Variants in SDK1 observed in about 807,000 individuals in gnomAD.
SDK1 encodes protein sidekick-1.
In SDK1, 157 loss-of-function variants were observed where a neutral mutation model predicts 245.5. The ratio of observed to expected loss-of-function variants is 0.64; its 90% CI spans 0.56 to 0.73. The LOEUF is 0.73. SDK1 is among the 30% of genes least tolerant of loss of function. The pLI is 0.00. For missense variants in SDK1, 3,583 were observed against 3,002.3 expected (o/e 1.19, Z -4.52); for synonymous variants, 1,647 against 1,278.5 (o/e 1.29, Z -6.15).
At chr7:3,475,902 T>C (rs1781335317) in intron 1 of SDK1, 1 of 152,642 alleles carries the variant, frequency 6.6e-6, no homozygotes, top group South Asian at 2.1e-4. Flanking sequence ...GCCCAAACCA[T>C]TAATTAAACA....
intron 19 of SDK1, among the ~76,000 whole-genome samples, chr7:4,052,711 G>C (rs1778947047): frequency 6.6e-6 from 1 of 152,126 alleles, no homozygotes. Flanking sequence ...ATCATTATGA[G>C]TAGTTTTGGC....
rs544491643 is a variant in SDK1, at chr7:3,817,040, T to C, written c.714-4410T>C. 1.3e-4 allele frequency among the ~76,000 whole-genome samples: 20 copies of C among 152,338 alleles called. No homozygotes were observed. The South Asian group carries it at 3.9e-3, about 30-fold the overall frequency. The stretch of plus-strand genomic sequence containing the variant: ...GGCAAAGTTATTATTTTACTAAACA[T>C]TTTACTGAATTTTCATCATAATGTA... On this transcript the variant is annotated intron_variant, in intron 4 of 44. Coordinates refer to ENST00000404826, the MANE Select transcript of SDK1 (RefSeq NM_152744.4).
At position 4,265,457 on chromosome 7, in the gene SDK1, C is replaced by T. The variant is rs566511295; in HGVS notation, c.*73C>T. On this transcript the variant is annotated 3_prime_UTR_variant, in exon 45 of 45. Coordinates refer to ENST00000404826, the MANE Select transcript of SDK1 (RefSeq NM_152744.4). ...AGTCTATTTTTGTTAAGACAATCAA[C>T]TCCAATAACTGAGCTGAAGTTTTTG... 72 of 1,387,562 alleles carry T rather than the reference C, an allele frequency of 5.2e-5. No individual in the cohort carries two copies. The East Asian group carries it at 6.6e-4, about 13-fold the overall frequency. 86.0% of individuals were successfully genotyped at this position (1,387,562 alleles called of 1,614,324 possible). A position where few individuals can be genotyped will look rare whatever the true frequency, so the allele number is the denominator to read the frequency against.
In SDK1 at chr7:4,250,370, G is replaced by C. The variant is rs1787213614; in HGVS notation, c.6381+4565G>C. 2.6e-5 allele frequency among the ~76,000 whole-genome samples: 4 copies of C among 151,418 alleles called. No individual in the cohort carries two copies. In the South Asian group the frequency reaches 8.3e-4, roughly 32 times the overall value. ...TGTAATTTTTTTTTTTTTAGATGGAGTTTTGCTCTGTCGCTCAGGCTGGAG... is the reference window on the plus strand; with the variant it reads ...TGTAATTTTTTTTTTTTTAGATGGACTTTTGCTCTGTCGCTCAGGCTGGAG... On this transcript the variant is annotated intron_variant, in intron 44 of 44. Transcript: ENST00000404826.
At chr7:4,255,649 G>C (rs1408584274) in intron 44 of SDK1, among the ~76,000 whole-genome samples, 1 of 152,206 alleles carries the variant, frequency 6.6e-6, no homozygotes, top group Non-Finnish European at 1.5e-5. Flanking sequence ...CTTCAACATG[G>C]AGTTGGGTTG....
intron 19 of SDK1, among the ~76,000 whole-genome samples, chr7:4,055,693 C>A (rs1403246719): frequency 6.6e-6 from 1 of 151,844 alleles, no homozygotes; most frequent in African/African-American, 2.4e-5. Context: ...TTTGCTCTCC[C>A]TTTTCTGCTT....
intron 4 of SDK1, among the ~76,000 whole-genome samples, chr7:3,744,010 G>C (rs1248507739): frequency 6.6e-6 from 1 of 152,116 alleles, no homozygotes; most frequent in Non-Finnish European, 1.5e-5. Context: ...CACAGATTCT[G>C]TGACTTGCAT....
At chr7:3,355,488 A>G (rs1052375820) in intron 1 of SDK1, among the ~76,000 whole-genome samples, 3 of 152,138 alleles carry the variant, frequency 2.0e-5, no homozygotes, top group Non-Finnish European at 4.4e-5. Context: ...CCTGGCTGCC[A>G]TTTGTAAATT....
At chr7:4,200,270 C>T (rs1783813727) in intron 35 of SDK1, among the ~76,000 whole-genome samples, 1 of 152,240 alleles carries the variant, frequency 6.6e-6, no homozygotes, top group Non-Finnish European at 1.5e-5. Context: ...GCACCAAACT[C>T]CAGGCGGTCT....
At chr7:3,807,128 G>GA (rs35990145) in intron 4 of SDK1, among the ~76,000 whole-genome samples, 7 of 151,380 alleles carry the variant, frequency 4.6e-5, no homozygotes, top group Admixed American at 3.3e-4. Flanking sequence ...TACCTTTTGA[G>GA]AAAAAAAAAT....
At chr7:3,339,965 A>G (rs1175971167) in intron 1 of SDK1, among the ~76,000 whole-genome samples, 1 of 152,132 alleles carries the variant, frequency 6.6e-6, no homozygotes, top group Non-Finnish European at 1.5e-5. Context: ...ACACAGATAA[A>G]AAGGAATAAG....
At chr7:3,353,029 A>T (rs1378635864) in intron 1 of SDK1, among the ~76,000 whole-genome samples, 1 of 152,190 alleles carries the variant, frequency 6.6e-6, no homozygotes, top group Non-Finnish European at 1.5e-5. Context: ...TCTGGTGATC[A>T]TATCCCACCG....
intron 10 of SDK1, 93 bp from the exon 11 acceptor site, chr7:3,969,164 G>A (rs749914429): frequency 4.9e-5 from 59 of 1,207,364 alleles, no homozygotes; most frequent in Admixed American, 3.4e-4. Context: ...ACACGGAGCC[G>A]AACCATATTA....
At chr7:3,988,474 G>T (rs1439676928) in intron 14 of SDK1, among the ~76,000 whole-genome samples, 1 of 152,048 alleles carries the variant, frequency 6.6e-6, no homozygotes, top group African/African-American at 2.4e-5. Context: ...CCACTCCCCT[G>T]TCCACGTCCT....
At chr7:3,638,329 G>A (rs1210699224) in intron 2 of SDK1, among the ~76,000 whole-genome samples, 1 of 152,104 alleles carries the variant, frequency 6.6e-6, no homozygotes, top group African/African-American at 2.4e-5. Flanking sequence ...AAAGACACGT[G>A]CACACGTATG....
At chr7:3,340,602 A>G (rs1780321084) in intron 1 of SDK1, among the ~76,000 whole-genome samples, 1 of 152,078 alleles carries the variant, frequency 6.6e-6, no homozygotes, top group Non-Finnish European at 1.5e-5. Context: ...CTCTACTAAA[A>G]ATACCAAAAA....
chr7:3,680,093 C>G (rs956562270), intron 4 of SDK1, among the ~76,000 whole-genome samples: 1 of 152,130 alleles, frequency 6.6e-6, no homozygotes, highest in African/African-American at 2.4e-5. Context: ...GCATGGAATC[C>G]TTTGCGGCAA....
In SDK1 at chr7:4,266,474, C is replaced by T. The variant is rs924712268; in HGVS notation, c.*1090C>T. 4 of 985,414 alleles carry T rather than the reference C, an allele frequency of 4.1e-6. No homozygotes were observed. Among genetic ancestry groups the T allele is most frequent in the African/African-American group, 1.7e-5 (1 of 57,356 alleles). 61.0% of individuals were successfully genotyped at this position (985,414 alleles called of 1,614,324 possible). ...CCTCTGTCCTGGCTTCTGCTGGCTG[C>T]TCGCAGCAGCCACCGCTTCTCCACC... On this transcript the variant is annotated 3_prime_UTR_variant, in exon 45 of 45. Coordinates refer to ENST00000404826, the MANE Select transcript of SDK1 (RefSeq NM_152744.4).
At chr7:3,508,617 C>G (rs1782474281) in intron 1 of SDK1, among the ~76,000 whole-genome samples, 1 of 152,106 alleles carries the variant, frequency 6.6e-6, no homozygotes, top group Non-Finnish European at 1.5e-5. Context: ...TGTGAGCCAC[C>G]CCGCCCAGCC....
Sources: gnomAD v4.1 joint callset for allele counts (sites outside exome capture counted in the v4.1 genomes callset) on GRCh38, gnomAD v4.1.1 for gene constraint, MANE v1.5 for transcripts, NCBI Gene and HGNC (gene_info 2026-07-23, HGNC 2026-07-21) for gene names.